ALG11: variants seen among roughly 807,000 people sequenced by gnomAD.
ALG11 encodes the protein ALG11 alpha-1,2-mannosyltransferase.
ALG11 carries 26 observed loss-of-function variants against 38.8 expected under a neutral mutation model. The observed-to-expected ratio is 0.67, with a 90% CI of 0.49 to 0.93. ALG11 has a LOEUF of 0.93. ALG11 is among the 40% of genes least tolerant of loss of function. The pLI, the probability that ALG11 is intolerant of heterozygous loss-of-function variation, is 0.00. For missense variants in ALG11, 535 were observed against 578.8 expected (o/e 0.92, Z 0.78); for synonymous variants, 199 against 211.6 (o/e 0.94, Z 0.52).
rs1280527385 is a variant in ALG11 at position 52,029,167 on chromosome 13, A to T, written c.*577A>T. 1 of 1,614,250 alleles carries T rather than the reference A, an allele frequency of 6.2e-7. No homozygotes were observed. Among genetic ancestry groups the T allele is most frequent in the South Asian group, 1.1e-5 (1 of 91,086 alleles). On this transcript the variant is annotated 3_prime_UTR_variant, in exon 4 of 4. Transcript: ENST00000521508. Reference sequence around the variant, plus strand: ...AGGTGGTGGAGTTACCTCTTAACAAAGAAAAAATTGAACAGATCCACAGAG... The same window carrying T: ...AGGTGGTGGAGTTACCTCTTAACAATGAAAAAATTGAACAGATCCACAGAG...
chr13:52,016,963 A>G (rs1003411566), intron 1 of ALG11: 8 of 152,330 alleles, frequency 5.3e-5, no homozygotes, highest in African/African-American at 1.9e-4. Context: ...GGCCCATGAA[A>G]GCAGCCAGGA....
At position 52,032,254 on chromosome 13, in the gene ALG11, A is replaced by C. The variant is rs1449752812; in HGVS notation, c.*3664A>C. ...AAAAAAGGAAAAAGAAAATTATGAG[A>C]GTTACTTAAAGGTAACATCACATAC... On this transcript the variant is annotated 3_prime_UTR_variant, in exon 4 of 4. Transcript: ENST00000521508. 6.0e-6 allele frequency: 1 copy of C among 165,540 alleles called. No individual in the cohort carries two copies. Among genetic ancestry groups the C allele is most frequent in the African/African-American group, 2.4e-5 (1 of 41,456 alleles). 10.3% of individuals were successfully genotyped at this position (165,540 alleles called of 1,614,324 possible).
At position 52,028,404 on chromosome 13, in the gene ALG11, A is replaced by G. The variant is rs1211890444; in HGVS notation, c.1293A>G (p.Glu431=). The G allele has an allele frequency of 2.1e-5, 34 of 1,614,072 alleles. No individual in the cohort carries two copies. In the Admixed American group the frequency reaches 5.2e-4, roughly 25 times the overall value. ...GPKLDIVVPH[E]GDITGFLAES... is the part of the protein sequence containing the mutation. ...AGCTTGACATTGTGGTTCCTCACGA[A>G]GGAGATATAACTGGCTTTCTGGCTG... Residue 431 remains glutamate (E), a synonymous_variant, in exon 4 of 4, where the codon GAA becomes GAG. Transcript: ENST00000521508.
chr13:52,033,437 T>C lies in ALG11; in HGVS notation c.*4847T>C, dbSNP rs1158279398. The C allele has an allele frequency of 6.0e-6, 1 of 167,146 alleles. No homozygotes were observed. The highest frequency in any genetic ancestry group is 1.5e-5 in the Non-Finnish European group (1 of 68,130). The allele number at this position is 167,146 out of a possible 1,614,324, so 10.4% of individuals were successfully genotyped here. On this transcript the variant is annotated 3_prime_UTR_variant, in exon 4 of 4. Coordinates refer to ENST00000521508, the MANE Select transcript of ALG11 (RefSeq NM_001004127.3). ...TATAGATACAAAGTCTGTGTCTAAATATTATTTAAAGAAGTGATTTTTCAT... is the reference window on the plus strand; with the variant it reads ...TATAGATACAAAGTCTGTGTCTAAACATTATTTAAAGAAGTGATTTTTCAT...
Position 52,018,958 on chromosome 13 carries a change from T to G in ALG11, c.90T>G (p.Thr30=). 1 of 1,614,130 alleles carries G rather than the reference T, an allele frequency of 6.2e-7. No homozygotes were observed. Residue 30 remains threonine, a synonymous_variant, in exon 2 of 4, where the codon ACT becomes ACG. Coordinates refer to ENST00000521508, the MANE Select transcript of ALG11 (RefSeq NM_001004127.3). Reference sequence around the variant, plus strand: ...TCCCTGGGCTCATTGTATGTGGAACTTTATGTGTGTGTTTGGTCATTGTCC... The same window carrying G: ...TCCCTGGGCTCATTGTATGTGGAACGTTATGTGTGTGTTTGGTCATTGTCC... ...LFFPGLIVCG[T]LCVCLVIVLW...
Position 52,032,640 on chromosome 13 carries a change from A to G in ALG11, c.*4050A>G, listed in dbSNP as rs1954316930. Reference sequence around the variant, plus strand: ...TATGTTGTTGATACATCTCCAAGCCATCTGTCATCAGATCAAAAAGCAGCA... The same window carrying G: ...TATGTTGTTGATACATCTCCAAGCCGTCTGTCATCAGATCAAAAAGCAGCA... On this transcript the variant is annotated 3_prime_UTR_variant, in exon 4 of 4. Coordinates refer to ENST00000521508, the MANE Select transcript of ALG11 (RefSeq NM_001004127.3). The G allele has an allele frequency of 1.2e-5, 2 of 167,080 alleles. No individual in the cohort carries two copies. Among genetic ancestry groups the G allele is most frequent in the Non-Finnish European group, 2.9e-5 (2 of 68,116 alleles). The allele number at this position is 167,080 out of a possible 1,614,324, so 10.3% of individuals were successfully genotyped here. A position where few individuals can be genotyped will look rare whatever the true frequency, so the allele number is the denominator to read the frequency against.
Position 52,028,777 on chromosome 13 carries a change from G to A in ALG11, c.*187G>A, listed in dbSNP as rs1954266795. On this transcript the variant is annotated 3_prime_UTR_variant, in exon 4 of 4. Transcript: ENST00000521508. The stretch of plus-strand genomic sequence containing the variant: ...GACTAGCCTTCGGCTTCCATTCTTG[G>A]TATACATGAGAGAGGCTGGCTGCTG... The A allele has an allele frequency of 6.2e-7, 1 of 1,614,020 alleles. No homozygotes were observed. Among genetic ancestry groups the A allele is most frequent in the South Asian group, 1.1e-5 (1 of 91,084 alleles).
At chr13:52,023,594 CAA>C (rs1401348650) in intron 2 of ALG11, 27 of 89,288 alleles carry the variant, frequency 3.0e-4, no homozygotes, top group Non-Finnish European at 3.1e-4. Context: ...AAACTGTCTC[CAA>C]AAAAAAAAAA....
rs1954219901 is a variant in ALG11, at chr13:52,024,559, A to G, written c.829A>G (p.Ile277Val). ...SLWKVGNCTN[I>V]VYPPCDVQTF... The stretch of plus-strand genomic sequence containing the variant: ...ATGGAAAGTTGGGAATTGCACTAAC[A>G]TTGTTTATCCACCTTGTGATGTGCA... The change falls in exon 3 of 4, where the codon ATT (isoleucine) becomes GTT (valine). Residue 277 changes from isoleucine to valine, a missense_variant. Transcript: ENST00000521508. 6.2e-7 allele frequency: 1 copy of G among 1,614,198 alleles called. No homozygotes were observed. Among genetic ancestry groups the G allele is most frequent in the African/African-American group, 1.3e-5 (1 of 75,050 alleles).
Position 52,025,567 on chromosome 13 carries a change from A to G in ALG11, c.1207+630A>G, listed in dbSNP as rs73500109. Among the ~76,000 whole-genome samples, 720 of 152,272 alleles carry G rather than the reference A, an allele frequency of 4.7e-3. 6 individuals carry two copies. Among genetic ancestry groups the G allele is most frequent in the African/African-American group, 0.016 (649 of 41,572 alleles). ...GTCTTTTATTGATTCTACCCTCACC[A>G]TTGGAATGGCTCTCCTCTTTGTGCC... On this transcript the variant is annotated intron_variant, in intron 3 of 3. Coordinates refer to ENST00000521508, the MANE Select transcript of ALG11 (RefSeq NM_001004127.3).
Position 52,030,714 on chromosome 13 carries a change from G to T in ALG11, c.*2124G>T, listed in dbSNP as rs776204371. 1 of 1,614,234 alleles carries T rather than the reference G, an allele frequency of 6.2e-7. No individual in the cohort carries two copies. The highest frequency in any genetic ancestry group is 1.7e-5 in the Admixed American group (1 of 60,030). On this transcript the variant is annotated 3_prime_UTR_variant, in exon 4 of 4. Coordinates refer to ENST00000521508, the MANE Select transcript of ALG11 (RefSeq NM_001004127.3). ...GGCTGGGGCGAGTGGGGTGGTGTGG[G>T]CCTAAAGCCCAGTGCCAAGAAAAGA... is the stretch of plus-strand genomic sequence containing the variant.
Position 52,024,383 on chromosome 13 carries a change from A to C in ALG11, c.653A>C (p.Asn218Thr), listed in dbSNP as rs776312269. 6 of 1,613,918 alleles carry C rather than the reference A, an allele frequency of 3.7e-6. No individual in the cohort carries two copies. In the Admixed American group the frequency reaches 1.0e-4, roughly 27 times the overall value. The change falls in exon 3 of 4, where the codon AAT becomes ACT. Residue 218 changes from asparagine (N) to threonine (T), a missense_variant. Physicochemically the swap from Asn to Thr is moderately conservative, Grantham distance 65. Coordinates refer to ENST00000521508, the MANE Select transcript of ALG11 (RefSeq NM_001004127.3). Reference sequence around the variant, plus strand: ...GTGAAGAATCAAAATATTGGATTTAATAATGCAGCCTTCATTACCAGGAAT... The same window carrying C: ...GTGAAGAATCAAAATATTGGATTTACTAATGCAGCCTTCATTACCAGGAAT... Reference protein sequence around the residue: ...SVVKNQNIGFNNAAFITRNPF... With the variant: ...SVVKNQNIGFTNAAFITRNPF...
In ALG11 at chr13:52,028,840, G is replaced by T; in HGVS notation, c.*250G>T. The stretch of plus-strand genomic sequence containing the variant: ...ACCAGGTTGCAGAGAATCTGGCTTT[G>T]AGCCACCAGGAAGAACTAGTGGATT... On this transcript the variant is annotated 3_prime_UTR_variant, in exon 4 of 4. Coordinates refer to ENST00000521508, the MANE Select transcript of ALG11 (RefSeq NM_001004127.3). The T allele has an allele frequency of 6.2e-7, 1 of 1,614,262 alleles. No individual in the cohort carries two copies. The highest frequency in any genetic ancestry group is 8.5e-7 in the Non-Finnish European group (1 of 1,180,060).
intron 1 of ALG11, among the ~76,000 whole-genome samples, chr13:52,014,008 A>G (rs1430933756): frequency 6.6e-6 from 1 of 152,264 alleles, no homozygotes; most frequent in East Asian, 1.9e-4. Context: ...TGCAACTGAC[A>G]TTAAGAAACT....
At chr13:52,023,578 A>G (rs1339632113) in intron 2 of ALG11, 5 of 151,540 alleles carry the variant, frequency 3.3e-5, no homozygotes, top group African/African-American at 1.2e-4. Context: ...CTGGGCAACA[A>G]GAGTGAAACT....
At chr13:52,027,481 G>T (rs1021007869) in intron 3 of ALG11, among the ~76,000 whole-genome samples, 1 of 152,192 alleles carries the variant, frequency 6.6e-6, no homozygotes, top group Non-Finnish European at 1.5e-5. Flanking sequence ...CATTTGGAAT[G>T]ATTTAATTTC....
Position 52,028,573 on chromosome 13 carries a change from G to T in ALG11, c.1462G>T (p.Glu488Ter). ...TGAAGTGACATTCCTATCATCTGTG[G>T]AAAAGTTATTTAAGTAATGCCATAT... The part of the protein sequence containing the change: ...EFEVTFLSSV[E>*]KLFK The change falls in exon 4 of 4, where the codon GAA becomes TAA. Residue 488 changes from glutamate to a stop codon, truncating the protein, a stop_gained. Transcript: ENST00000521508. LOFTEE classifies it high-confidence loss of function. The T allele has an allele frequency of 1.9e-6, 3 of 1,614,046 alleles. No homozygotes were observed. Among genetic ancestry groups the T allele is most frequent in the Non-Finnish European group, 2.5e-6 (3 of 1,179,960 alleles).
chr13:52,024,244 T>C lies in ALG11; in HGVS notation c.514T>C (p.Tyr172His). 6.2e-7 allele frequency: 1 copy of C among 1,614,174 alleles called. No homozygotes were observed. The highest frequency in any genetic ancestry group is 1.7e-5 in the Admixed American group (1 of 60,028). The change falls in exon 3 of 4, where the codon TAC (tyrosine) becomes CAC (histidine). Residue 172 changes from tyrosine to histidine, a missense_variant. Physicochemically the swap from Tyr to His is moderately conservative, Grantham distance 83. Transcript: ENST00000521508. Reference protein sequence around the residue: ...EALMQCVPDVYIDSMGYAFTL... With the variant: ...EALMQCVPDVHIDSMGYAFTL... ...TCTAATGCAGTGTGTTCCTGATGTTTACATTGATTCAATGGGATACGCTTT... is the reference window on the plus strand; with the variant it reads ...TCTAATGCAGTGTGTTCCTGATGTTCACATTGATTCAATGGGATACGCTTT...
In ALG11 at chr13:52,029,350, C is replaced by A; in HGVS notation, c.*760C>A. 6.2e-7 allele frequency: 1 copy of A among 1,614,134 alleles called. No homozygotes were observed. The highest frequency in any genetic ancestry group is 8.5e-7 in the Non-Finnish European group (1 of 1,180,026). ...TCAGTGGCTGGAAGGCAAGAACTCC[C>A]CTGGAGCAGGAAATTTTTAACCTCC... is the stretch of plus-strand genomic sequence containing the variant. On this transcript the variant is annotated 3_prime_UTR_variant, in exon 4 of 4. Coordinates refer to ENST00000521508, the MANE Select transcript of ALG11 (RefSeq NM_001004127.3).
Sources: gnomAD v4.1 joint callset for allele counts (sites outside exome capture counted in the v4.1 genomes callset) on GRCh38, gnomAD v4.1.1 for gene constraint, MANE v1.5 for transcripts, NCBI Gene and HGNC (gene_info 2026-07-23, HGNC 2026-07-21) for gene names.